MLLT10: variants seen among roughly 807,000 people sequenced by gnomAD.
MLLT10 encodes the protein protein AF-10.
MLLT10 carries 30 observed loss-of-function variants against 129.1 expected under a neutral mutation model. The ratio of observed to expected loss-of-function variants is 0.23; its 90% CI spans 0.17 to 0.32. The LOEUF (loss-of-function observed/expected upper bound fraction) is 0.32, where lower values mean the gene tolerates loss of function less well. Ranked by LOEUF, MLLT10 falls within the 10% of genes least tolerant of loss-of-function variation. The probability of loss-of-function intolerance (pLI) is 1.00; values close to 1 mark genes in which losing one functional copy is unlikely to be tolerated. For synonymous variants in MLLT10, 490 were observed against 446.4 expected, an observed-to-expected ratio of 1.10 and a Z score of -1.23; for missense variants, 1,119 against 1,268.3, an observed-to-expected ratio of 0.88 and a Z score of 1.79.
At chr10:21,626,651 A>T (rs913309452) in intron 8 of MLLT10, among the ~76,000 whole-genome samples, 8 of 152,198 alleles carry the variant, frequency 5.3e-5, no homozygotes, top group African/African-American at 1.9e-4. Flanking sequence ...ATAGAATAGG[A>T]TTACTCACCT....
intron 3 of MLLT10, among the ~76,000 whole-genome samples, chr10:21,552,853 C>T (rs925284812): frequency 2.0e-5 from 3 of 151,326 alleles, no homozygotes; most frequent in African/African-American, 7.3e-5. Flanking sequence ...TTCTCTGTTC[C>T]TCCTTGCGCC....
At chr10:21,596,941 T>G (rs1470705090) in intron 5 of MLLT10, among the ~76,000 whole-genome samples, 1 of 152,178 alleles carries the variant, frequency 6.6e-6, no homozygotes, top group East Asian at 1.9e-4. Flanking sequence ...GTTTACATTT[T>G]CGAGGTAATT....
At chr10:21,550,259 A>G (rs2036785173) in intron 3 of MLLT10, among the ~76,000 whole-genome samples, 1 of 152,028 alleles carries the variant, frequency 6.6e-6, no homozygotes, top group East Asian at 1.9e-4. Context: ...ATCCCCTTGG[A>G]TTTCTAGAGT....
chr10:21,651,843 T>G (rs781246484), intron 9 of MLLT10, 75 bp downstream of exon 9: 1 of 918,710 alleles, frequency 1.1e-6, no homozygotes, highest in African/African-American at 1.7e-5. Context: ...AAAAACTGTT[T>G]TCATTCCCTA....
intron 8 of MLLT10, among the ~76,000 whole-genome samples, chr10:21,629,268 T>A (rs2046778792): frequency 6.6e-6 from 1 of 152,166 alleles, no homozygotes; most frequent in Non-Finnish European, 1.5e-5. Context: ...TCTGACTAAA[T>A]GTCTTATTTA....
At position 21,534,329 on chromosome 10, in the gene MLLT10, T is replaced by A; in HGVS notation, c.-192T>A. 6.8e-6 allele frequency: 2 copies of A among 292,450 alleles called. No individual in the cohort carries two copies. Among genetic ancestry groups the A allele is most frequent in the Non-Finnish European group, 1.3e-5 (2 of 153,216 alleles). The allele number at this position is 292,450 out of a possible 1,614,324, so 18.1% of individuals were successfully genotyped here. On this transcript the variant is annotated 5_prime_UTR_variant, in exon 1 of 23. Transcript: ENST00000307729. Reference sequence around the variant, plus strand: ...GAGCCCCCCCTCCCCCCAGTGCGCCTGTGCGGAGGCCCTCTTGATTATGTG... The same window carrying A: ...GAGCCCCCCCTCCCCCCAGTGCGCCAGTGCGGAGGCCCTCTTGATTATGTG...
intron 4 of MLLT10, among the ~76,000 whole-genome samples, chr10:21,586,800 T>C (rs2042026839): frequency 6.6e-6 from 1 of 151,968 alleles, no homozygotes; most frequent in African/African-American, 2.4e-5. Context: ...GGCAGGAGAA[T>C]CGCTTGAACT....
intron 1 of MLLT10, 60 bp from the exon 2 acceptor site, chr10:21,534,585 G>T (rs1457269434): frequency 6.7e-5 from 103 of 1,547,064 alleles, no homozygotes; most frequent in Middle Eastern, 2.2e-4. Context: ...GGGCTGTGTG[G>T]GGGGGAAGCA....
At chr10:21,645,743 A>T (rs2048409045) in intron 8 of MLLT10, among the ~76,000 whole-genome samples, 1 of 152,238 alleles carries the variant, frequency 6.6e-6, no homozygotes, top group Non-Finnish European at 1.5e-5. Flanking sequence ...TGGTTCACAG[A>T]TTACATACGT....
intron 8 of MLLT10, among the ~76,000 whole-genome samples, chr10:21,619,015 C>A (rs569787048): frequency 7.0e-6 from 1 of 142,234 alleles, no homozygotes; most frequent in African/African-American, 2.6e-5. Context: ...CGTGAGCCAC[C>A]GTGCCTGGTG....
intron 14 of MLLT10, among the ~76,000 whole-genome samples, chr10:21,719,942 A>G (rs1257280627): frequency 6.6e-6 from 1 of 152,170 alleles, no homozygotes; most frequent in Non-Finnish European, 1.5e-5. Flanking sequence ...AATTTTAGCC[A>G]GTATATATAT....
intron 9 of MLLT10, among the ~76,000 whole-genome samples, chr10:21,658,322 T>C (rs1761778752): frequency 6.6e-6 from 1 of 152,180 alleles, no homozygotes; most frequent in Admixed American, 6.5e-5. Context: ...CAGTTTAAAT[T>C]AGTTTGAATT....
intron 3 of MLLT10, among the ~76,000 whole-genome samples, chr10:21,550,810 A>T (rs2036872872): frequency 6.6e-6 from 1 of 151,356 alleles, no homozygotes; most frequent in Non-Finnish European, 1.5e-5. Context: ...GGGATTACAG[A>T]CGTGAGCTAT....
intron 13 of MLLT10, among the ~76,000 whole-genome samples, chr10:21,694,881 A>C (rs978326447): frequency 6.6e-6 from 1 of 152,098 alleles, no homozygotes; most frequent in African/African-American, 2.4e-5. Context: ...TCTTACCAGG[A>C]GGCTTCCAAA....
chr10:21,548,017 A>T (rs984609341), intron 3 of MLLT10, among the ~76,000 whole-genome samples: 9 of 152,092 alleles, frequency 5.9e-5, no homozygotes, highest in Admixed American at 4.6e-4. Context: ...AGTAATAAGT[A>T]AGAAAGTTAT....
chr10:21,691,461 G>T (rs1367641730), intron 13 of MLLT10, among the ~76,000 whole-genome samples: 2 of 152,090 alleles, frequency 1.3e-5, no homozygotes, highest in African/African-American at 4.8e-5. Flanking sequence ...TTGGAATTTT[G>T]CTTCTCATAC....
chr10:21,624,004 A>G (rs1055343553), intron 8 of MLLT10, among the ~76,000 whole-genome samples: 1 of 152,198 alleles, frequency 6.6e-6, no homozygotes, highest in Non-Finnish European at 1.5e-5. Context: ...CAAAGAACAA[A>G]TTGTCATGGC....
intron 5 of MLLT10, among the ~76,000 whole-genome samples, chr10:21,600,601 C>G (rs1353266717): frequency 1.3e-5 from 2 of 152,082 alleles, no homozygotes; most frequent in Non-Finnish European, 2.9e-5. Flanking sequence ...TTGCATTTGT[C>G]TATATCTAAT....
intron 13 of MLLT10, among the ~76,000 whole-genome samples, chr10:21,698,539 C>T (rs912347963): frequency 6.6e-6 from 1 of 152,192 alleles, no homozygotes; most frequent in African/African-American, 2.4e-5. Context: ...TATGTGAGTG[C>T]AGGTAACCCT....
Sources: allele counts gnomAD v4.1 joint callset (sites outside exome capture counted in the v4.1 genomes callset), GRCh38; gene constraint gnomAD v4.1.1; transcripts MANE v1.5; gene names NCBI Gene and HGNC (gene_info 2026-07-23, HGNC 2026-07-21).